The following OR52N4 variants were observed in gnomAD, a reference collection of about 807,000 sequenced individuals.
The protein encoded by OR52N4 is olfactory receptor 52N4.
Under a neutral mutation model 15.0 loss-of-function variants are expected in OR52N4, and 15 were observed. The observed-to-expected ratio is 1.00, with a 90% CI of 0.67 to 1.54. The LOEUF is 1.54. Ranked by LOEUF, OR52N4 falls within the 40% of genes most tolerant of loss-of-function variation. The probability of loss-of-function intolerance (pLI) is 0.00; values close to 1 mark genes in which losing one functional copy is unlikely to be tolerated. For missense variants in OR52N4, 421 were observed against 394.0 expected (o/e 1.07, Z -0.58); for synonymous variants, 143 against 143.7 (o/e 1.00, Z 0.03).
intron 1 of OR52N4, 37 bp downstream of exon 1, chr11:5,754,342 T>C (rs948924880): frequency 6.1e-6 from 1 of 164,394 alleles, no homozygotes; most frequent in African/African-American, 2.4e-5. Context: ...TATATCTATA[T>C]TGAGATGAGT....
chr11:5,753,331 C>T (rs761640559), upstream of OR52N4, among the ~76,000 whole-genome samples: 10 of 151,910 alleles, frequency 6.6e-5, no homozygotes, highest in Non-Finnish European at 8.8e-5. Context: ...TCACTACATA[C>T]CAAAAAAAGG....
the OR52N4 span, among the ~76,000 whole-genome samples, chr11:5,743,585 C>T: frequency 6.6e-6 from 1 of 152,074 alleles, no homozygotes; most frequent in African/African-American, 2.4e-5. Context: ...AAGGAAGTCT[C>T]AAAAATATAC....
At chr11:5,734,931 T>C in the OR52N4 span, among the ~76,000 whole-genome samples, 2 of 152,072 alleles carry the variant, frequency 1.3e-5, no homozygotes, top group African/African-American at 4.8e-5. Context: ...TAAAGAAGGA[T>C]GATTTACTCC....
chr11:5,748,452 T>C, the OR52N4 span, among the ~76,000 whole-genome samples: 2 of 151,858 alleles, frequency 1.3e-5, no homozygotes, highest in Non-Finnish European at 2.9e-5. Flanking sequence ...AAGGTTTGTA[T>C]ATTCCTCTAA....
the OR52N4 span, among the ~76,000 whole-genome samples, chr11:5,748,936 T>C: frequency 6.6e-6 from 1 of 152,034 alleles, no homozygotes; most frequent in Non-Finnish European, 1.5e-5. Flanking sequence ...ATTTGGACAC[T>C]GAGAATGGAA....
the OR52N4 span, among the ~76,000 whole-genome samples, chr11:5,744,902 C>G: frequency 6.7e-3 from 1,020 of 152,242 alleles, 3 homozygotes; most frequent in Non-Finnish European, 0.012. Flanking sequence ...GCCTGCACAA[C>G]AGAGTGAGAC....
chr11:5,739,377 TATCTCTATAAAAAATACAAATAA>T, the OR52N4 span, among the ~76,000 whole-genome samples: 1 of 124,720 alleles, frequency 8.0e-6, no homozygotes, highest in African/African-American at 2.9e-5. Context: ...AGTGAGAACC[TATCTCTATAAAAAATACAAATAA>T]ATAAAAATAA....
At chr11:5,727,686 A>T in the OR52N4 span, among the ~76,000 whole-genome samples, 2 of 152,130 alleles carry the variant, frequency 1.3e-5, no homozygotes, top group Non-Finnish European at 2.9e-5. Context: ...TAACGTGCAG[A>T]TATTGAAAAC....
the OR52N4 span, chr11:5,736,633 C>G: frequency 6.2e-7 from 1 of 1,614,004 alleles, no homozygotes; most frequent in Non-Finnish European, 8.5e-7. Context: ...TATCTCTGCC[C>G]CTGGCACTAC....
At chr11:5,731,517 T>C in the OR52N4 span, among the ~76,000 whole-genome samples, 1 of 152,232 alleles carries the variant, frequency 6.6e-6, no homozygotes, top group African/African-American at 2.4e-5. Flanking sequence ...CTCATTAATC[T>C]GCAGCTTCCT....
the OR52N4 span, chr11:5,737,095 C>T: frequency 6.2e-7 from 1 of 1,613,898 alleles, no homozygotes; most frequent in African/African-American, 1.3e-5. Context: ...ACCTTGGGGT[C>T]ACAAGCCTGG....
At chr11:5,733,738 A>G in the OR52N4 span, among the ~76,000 whole-genome samples, 1 of 152,146 alleles carries the variant, frequency 6.6e-6, no homozygotes, top group African/African-American at 2.4e-5. Context: ...ACAGAACTAA[A>G]TATGTATTTT....
the OR52N4 span, among the ~76,000 whole-genome samples, chr11:5,728,270 G>T: frequency 6.6e-6 from 1 of 152,076 alleles, no homozygotes; most frequent in Non-Finnish European, 1.5e-5. Flanking sequence ...ATAAGAAATG[G>T]CCACTTACCC....
At chr11:5,727,042 C>G in the OR52N4 span, 1 of 92,546 alleles carries the variant, frequency 1.1e-5, no homozygotes, top group African/African-American at 4.0e-5. Flanking sequence ...TACACACGTA[C>G]TGTACATGGC....
chr11:5,749,940 G>A (rs11038920), upstream of OR52N4, among the ~76,000 whole-genome samples: 150,069 of 152,028 alleles, frequency 0.99, 74,097 homozygotes, highest in Middle Eastern at 1. Context: ...AATGTTTTAG[G>A]AAGAAAATTG....
the OR52N4 span, chr11:5,737,448 T>C: frequency 6.2e-7 from 1 of 1,613,740 alleles, no homozygotes; most frequent in Admixed American, 1.7e-5. Context: ...AGGGCAGCCT[T>C]CCAAAAGGTG....
the OR52N4 span, among the ~76,000 whole-genome samples, chr11:5,746,479 G>A: frequency 1.3e-5 from 2 of 151,970 alleles, no homozygotes; most frequent in Non-Finnish European, 2.9e-5. Flanking sequence ...TTCCAAAGTG[G>A]GCAAAGGACA....
chr11:5,736,294 T>C, the OR52N4 span: 5 of 535,374 alleles, frequency 9.3e-6, no homozygotes, highest in Non-Finnish European at 1.7e-5. Flanking sequence ...CTCCCATAAT[T>C]CTTCATTTAA....
chr11:5,755,104 C>A lies in OR52N4; in HGVS notation c.364C>A (p.Leu122Met), dbSNP rs374495300. The A allele has an allele frequency of 3.1e-6, 5 of 1,613,908 alleles. No individual in the cohort carries two copies. Among genetic ancestry groups the A allele is most frequent in the African/African-American group, 1.3e-5 (1 of 74,906 alleles). ...MESGVLMLMA[L>M]DRYVAICYPL... Reference sequence around the variant, plus strand: ...GTCTGGGGTGCTTATGCTTATGGCCCTGGATCGCTATGTGGCCATCTGCTA... The same window carrying A: ...GTCTGGGGTGCTTATGCTTATGGCCATGGATCGCTATGTGGCCATCTGCTA... The change falls in exon 2 of 2, where the codon CTG (leucine) becomes ATG (methionine). Residue 122 changes from leucine (L) to methionine (M), a missense_variant. By Grantham distance (15) the Leu-to-Met change is conservative (BLOSUM62 2). Coordinates refer to ENST00000641350, the MANE Select transcript of OR52N4 (RefSeq NM_001005175.5).
Sources: allele counts gnomAD v4.1 joint callset (sites outside exome capture counted in the v4.1 genomes callset), GRCh38; gene constraint gnomAD v4.1.1; transcripts MANE v1.5; gene names NCBI Gene and HGNC (gene_info 2026-07-23, HGNC 2026-07-21).